Variants in GRIK1 observed in about 807,000 individuals in gnomAD.
GRIK1 encodes glutamate receptor ionotropic, kainate 1.
In GRIK1, 69 loss-of-function variants were observed where a neutral mutation model predicts 105.7. The observed-to-expected ratio is 0.65, with a 90% CI of 0.54 to 0.80. The LOEUF (loss-of-function observed/expected upper bound fraction) is 0.80. GRIK1 is among the 30% of genes least tolerant of loss of function. The pLI is 0.00. For missense variants in GRIK1, 1,109 were observed against 1,167.3 expected, an observed-to-expected ratio of 0.95 and a Z score of 0.73; for synonymous variants, 438 against 431.3, an observed-to-expected ratio of 1.02 and a Z score of -0.19.
intron 7 of GRIK1, 80 bp downstream of exon 7, chr21:29,642,746 C>A (rs1470888550): frequency 1.6e-6 from 2 of 1,258,114 alleles, no homozygotes; most frequent in Middle Eastern, 2.0e-4. Flanking sequence ...CCAGCAGAAC[C>A]CTGTGGGGAG....
chr21:29,849,947 C>T (rs2068252477), intron 1 of GRIK1, among the ~76,000 whole-genome samples: 1 of 152,122 alleles, frequency 6.6e-6, no homozygotes, highest in South Asian at 2.1e-4. Flanking sequence ...GCCCCTGTTA[C>T]TGGAGATACT....
intron 1 of GRIK1, among the ~76,000 whole-genome samples, chr21:29,756,680 T>TAAAAACAAAAAACA (rs759070584): frequency 6.6e-6 from 1 of 150,456 alleles, no homozygotes; most frequent in African/African-American, 2.4e-5. Context: ...TCCTTACTAT[T>TAAAAACAAAAAACA]AAAAACAAAA....
At chr21:29,728,310 T>C (rs903165591) in intron 1 of GRIK1, among the ~76,000 whole-genome samples, 2 of 152,042 alleles carry the variant, frequency 1.3e-5, no homozygotes, top group African/African-American at 4.8e-5. Flanking sequence ...ATTATTTAGG[T>C]TTGGGAAACT....
intron 7 of GRIK1, among the ~76,000 whole-genome samples, chr21:29,642,109 C>T (rs987895919): frequency 1.9e-4 from 29 of 152,314 alleles, no homozygotes; most frequent in African/African-American, 6.7e-4. Flanking sequence ...CAAGTCCAGA[C>T]ACACCCTGAG....
intron 1 of GRIK1, among the ~76,000 whole-genome samples, chr21:29,918,003 A>G (rs2071057728): frequency 6.6e-6 from 1 of 152,030 alleles, no homozygotes; most frequent in African/African-American, 2.4e-5. Flanking sequence ...CATTATATAG[A>G]GAAAGATGAA....
intron 7 of GRIK1, among the ~76,000 whole-genome samples, chr21:29,603,532 A>G (rs1422747751): frequency 1.3e-5 from 2 of 152,184 alleles, no homozygotes; most frequent in Non-Finnish European, 2.9e-5. Context: ...AACTATCAGC[A>G]ATGAATACAA....
chr21:29,911,712 C>CA (rs1356943564), intron 1 of GRIK1, among the ~76,000 whole-genome samples: 2 of 151,874 alleles, frequency 1.3e-5, no homozygotes, highest in Non-Finnish European at 2.9e-5. Flanking sequence ...AAAGGGGCCC[C>CA]AGAGAACTCC....
intron 15 of GRIK1, among the ~76,000 whole-genome samples, chr21:29,560,335 C>CTTTCTT (rs2090377506): frequency 8.5e-6 from 1 of 118,010 alleles, no homozygotes; most frequent in Admixed American, 8.8e-5. Context: ...TTCTTTCTTT[C>CTTTCTT]TTTCTTTCTT....
intron 1 of GRIK1, among the ~76,000 whole-genome samples, chr21:29,755,742 A>G (rs549750887): frequency 1.5e-4 from 23 of 152,230 alleles, no homozygotes; most frequent in African/African-American, 5.1e-4. Flanking sequence ...GCTTAGGGCA[A>G]GGAATCTGAA....
chr21:29,619,234 C>A (rs952270509), intron 7 of GRIK1, among the ~76,000 whole-genome samples: 1 of 151,722 alleles, frequency 6.6e-6, no homozygotes, highest in African/African-American at 2.4e-5. Context: ...GTCAGGAGAT[C>A]AAGACCATCC....
At chr21:29,894,633 T>C (rs1601965559) in intron 1 of GRIK1, among the ~76,000 whole-genome samples, 1 of 152,122 alleles carries the variant, frequency 6.6e-6, no homozygotes, top group African/African-American at 2.4e-5. Context: ...ATACTTTGCG[T>C]CCTTCAATCC....
Position 29,649,861 on chromosome 21 carries a change from A to G in GRIK1, c.954+1257T>C, listed in dbSNP as rs771730797. On this transcript the variant is annotated intron_variant, in intron 6 of 17. Coordinates refer to ENST00000327783, the MANE Select transcript of GRIK1 (RefSeq NM_001330994.2). ...GATCTCATCCTGTGATTGAAACTTC[A>G]TTGGAAAAGTGGGCAGAGGATTTCG... 2.0e-5 allele frequency among the ~76,000 whole-genome samples: 3 copies of G among 152,210 alleles called. No individual in the cohort carries two copies. The East Asian group carries it at 5.8e-4, about 29-fold the overall frequency.
intron 3 of GRIK1, among the ~76,000 whole-genome samples, chr21:29,686,132 G>T (rs1295248855): frequency 6.6e-6 from 1 of 152,160 alleles, no homozygotes; most frequent in East Asian, 1.9e-4. Context: ...CATAGAAATA[G>T]ACAGTTTTCC....
chr21:29,796,886 T>C (rs181174650), intron 1 of GRIK1, among the ~76,000 whole-genome samples: 1 of 151,500 alleles, frequency 6.6e-6, no homozygotes, highest in Admixed American at 6.6e-5. Context: ...GAGGAAGAGG[T>C]TTCAGTGAGC....
At chr21:29,781,891 C>T (rs1432618845) in intron 1 of GRIK1, among the ~76,000 whole-genome samples, 2 of 149,244 alleles carry the variant, frequency 1.3e-5, no homozygotes, top group Non-Finnish European at 3.0e-5. Flanking sequence ...AGGATGGTCT[C>T]GATCTCCTGA....
intron 1 of GRIK1, among the ~76,000 whole-genome samples, chr21:29,811,092 C>T (rs2066998332): frequency 6.6e-6 from 1 of 152,096 alleles, no homozygotes; most frequent in South Asian, 2.1e-4. Context: ...GTGCTCGCTG[C>T]TGCTGGCTCC....
At position 29,592,469 on chromosome 21, in the gene GRIK1, A is replaced by C. The variant is rs574099713; in HGVS notation, c.1252-1244T>G. On this transcript the variant is annotated intron_variant, in intron 9 of 17. Transcript: ENST00000327783. Reference sequence around the variant, plus strand: ...ATTGATTCATTCAGCCTCTGTGGGAACCCAGAAGAGGAGCCTTGGGGATTT... The same window carrying C: ...ATTGATTCATTCAGCCTCTGTGGGACCCCAGAAGAGGAGCCTTGGGGATTT... Among the ~76,000 whole-genome samples, 3 of 152,234 alleles carry C rather than the reference A, an allele frequency of 2.0e-5. No homozygotes were observed. In the South Asian group the frequency reaches 6.2e-4, roughly 32 times the overall value.
intron 1 of GRIK1, among the ~76,000 whole-genome samples, chr21:29,810,581 C>A (rs556258592): frequency 2.0e-4 from 31 of 152,198 alleles, no homozygotes; most frequent in African/African-American, 7.2e-4. Flanking sequence ...CCAAGCGTGT[C>A]AATCTATGGA....
rs868128080 is a variant in GRIK1, at chr21:29,939,479, C to A, written c.22G>T (p.Ala8Ser). The change falls in exon 1 of 18, where the codon GCC (alanine) becomes TCC (serine). Residue 8 changes from alanine (A) to serine (S), a missense_variant. This residue lies in a region of GRIK1 where 612 missense variants were observed against 586.0 expected (regional missense o/e 1.04). Coordinates refer to ENST00000327783, the MANE Select transcript of GRIK1 (RefSeq NM_001330994.2). Reference protein sequence around the residue: MEHGTLLAQPGLWTRDTS... With the variant: MEHGTLLSQPGLWTRDTS... ...TCCCTGGTCCAGAGCCCGGGCTGGG[C>A]GAGGAGTGTGCCGTGCTCCATCTTC... is the stretch of plus-strand genomic sequence containing the variant. The A allele has an allele frequency of 6.3e-7, 1 of 1,593,180 alleles. No homozygotes were observed. Among genetic ancestry groups the A allele is most frequent in the South Asian group, 1.1e-5 (1 of 89,220 alleles).
Sources: gnomAD v4.1 joint callset for allele counts (sites outside exome capture counted in the v4.1 genomes callset) on GRCh38, gnomAD v4.1.1 for gene constraint, gnomAD v4.1.1 regional missense constraint, MANE v1.5 for transcripts, NCBI Gene and HGNC (gene_info 2026-07-23, HGNC 2026-07-21) for gene names.